HOOK3: variants seen among roughly 807,000 people sequenced by gnomAD.
HOOK3 encodes hook microtubule tethering protein 3, also known as protein Hook homolog 3.
In HOOK3, 24 loss-of-function variants were observed where a neutral mutation model predicts 116.3. The observed-to-expected ratio is 0.21, with a 90% CI of 0.15 to 0.29. The LOEUF (loss-of-function observed/expected upper bound fraction) is 0.29, where lower values mean the gene tolerates loss of function less well. Among genes scored for constraint, HOOK3 ranks in the 10% least tolerant of loss-of-function variants. The pLI is 1.00. For missense variants in HOOK3, 632 were observed against 830.2 expected, an observed-to-expected ratio of 0.76 and a Z score of 2.93; for synonymous variants, 275 against 283.0, an observed-to-expected ratio of 0.97 and a Z score of 0.28.
At chr8:42,975,608 G>C (rs981459816) in intron 13 of HOOK3, among the ~76,000 whole-genome samples, 1 of 152,172 alleles carries the variant, frequency 6.6e-6, no homozygotes, top group Non-Finnish European at 1.5e-5. Flanking sequence ...AAAAGTGGAC[G>C]TGACTTCTCC....
At chr8:42,962,735 G>A (rs1808556768) in intron 8 of HOOK3, among the ~76,000 whole-genome samples, 1 of 147,324 alleles carries the variant, frequency 6.8e-6, no homozygotes, top group Non-Finnish European at 1.5e-5. Context: ...GATTCTTTTT[G>A]TCTGTGTGTA....
intron 8 of HOOK3, among the ~76,000 whole-genome samples, chr8:42,962,416 T>C (rs1808551057): frequency 6.6e-6 from 1 of 151,050 alleles, no homozygotes. Flanking sequence ...TGTTTTTTTT[T>C]TTTTTTTTGA....
chr8:42,967,724 C>T (rs1344017567), intron 10 of HOOK3, among the ~76,000 whole-genome samples: 1 of 151,966 alleles, frequency 6.6e-6, no homozygotes, highest in East Asian at 1.9e-4. Flanking sequence ...TTCTGGTGGT[C>T]ACTGATAATT....
intron 2 of HOOK3, among the ~76,000 whole-genome samples, chr8:42,917,257 C>CA (rs2130342856): frequency 6.6e-6 from 1 of 152,274 alleles, no homozygotes; most frequent in African/African-American, 2.4e-5. Flanking sequence ...TCTCACTGAG[C>CA]GCGTTGAGGT....
Position 42,911,884 on chromosome 8 carries a change from C to T in HOOK3, c.143+5626C>T, listed in dbSNP as rs372268838. The stretch of plus-strand genomic sequence containing the variant: ...AGTGTAGTTTGGGGGACATCAAATC[C>T]GAGTGGTATTGAAAAATCAAGAGGA... On this transcript the variant is annotated intron_variant, in intron 2 of 21. Transcript: ENST00000307602. Among the ~76,000 whole-genome samples the T allele has an allele frequency of 4.6e-5, 7 of 152,100 alleles. 1 individual carries two copies. Among genetic ancestry groups the T allele is most frequent in the Middle Eastern group, 6.8e-3 (2 of 294 alleles).
In HOOK3 at chr8:42,906,229, G is replaced by T. The variant is rs750665963; in HGVS notation, c.114G>T (p.Gly38=). Reference sequence around the variant, plus strand: ...AGACCGTGGAAGATTTAACGAATGGGGTTGTGATGGCCCAGGTTCTTCAAA... The same window carrying T: ...AGACCGTGGAAGATTTAACGAATGGTGTTGTGATGGCCCAGGTTCTTCAAA... ...PCQTVEDLTN[G]VVMAQVLQKI... is the part of the protein sequence containing the mutation. The change falls in exon 2 of 22, where the codon GGG becomes GGT. Residue 38 remains glycine, a synonymous_variant. Transcript: ENST00000307602. The T allele has an allele frequency of 1.2e-6, 2 of 1,611,170 alleles. No homozygotes were observed. Among genetic ancestry groups the T allele is most frequent in the Non-Finnish European group, 8.5e-7 (1 of 1,178,430 alleles).
chr8:42,994,465 C>T (rs561031563), intron 15 of HOOK3: 30 of 412,914 alleles, frequency 7.3e-5, no homozygotes, highest in Admixed American at 3.5e-4. Flanking sequence ...CCTCTTACTA[C>T]GGCTTTTGCT....
chr8:42,948,879 T>C (rs117734601), intron 5 of HOOK3, among the ~76,000 whole-genome samples: 2 of 152,332 alleles, frequency 1.3e-5, no homozygotes, highest in African/African-American at 2.4e-5. Flanking sequence ...TATGATTTAG[T>C]TGTGTTATGT....
At position 43,018,444 on chromosome 8, in the gene HOOK3, G is replaced by A. The variant is rs775718317; in HGVS notation, c.2103G>A (p.Ala701=). 16 of 1,613,772 alleles carry A rather than the reference G, an allele frequency of 9.9e-6. No individual in the cohort carries two copies. The highest frequency in any genetic ancestry group is 2.2e-5 in the East Asian group (1 of 44,880). Reference sequence around the variant, plus strand: ...CATTTCTGGCGAGGCAGAGGCAAGCGACCAGCAGCAGAAGATCATACCCAG... The same window carrying A: ...CATTTCTGGCGAGGCAGAGGCAAGCAACCAGCAGCAGAAGATCATACCCAG... ...GQSFLARQRQ[A]TSSRRSYPGH... is the part of the protein sequence containing the mutation. The change falls in exon 22 of 22, where the codon GCG becomes GCA. Residue 701 remains alanine (A), a synonymous_variant. Coordinates refer to ENST00000307602, the MANE Select transcript of HOOK3 (RefSeq NM_032410.4).
chr8:42,953,870 C>G (rs1370052684), intron 6 of HOOK3, among the ~76,000 whole-genome samples: 1 of 152,050 alleles, frequency 6.6e-6, no homozygotes, highest in Non-Finnish European at 1.5e-5. Flanking sequence ...TGCTCAGGTT[C>G]GCATAGAAGT....
chr8:42,990,486 T>C (rs1471572773), intron 15 of HOOK3, among the ~76,000 whole-genome samples: 1 of 151,268 alleles, frequency 6.6e-6, no homozygotes, highest in African/African-American at 2.4e-5. Context: ...ATTACAGGCA[T>C]GTCCACCATG....
Position 43,006,846 on chromosome 8 carries a change from T to G in HOOK3, c.1656-1001T>G, listed in dbSNP as rs145538154. ...ATTAGTGATTTTCTCTATCTTCCCA[T>G]TTTTGCAGCCTTTTTTCCTAGTTAT... On this transcript the variant is annotated intron_variant, in intron 17 of 21. Coordinates refer to ENST00000307602, the MANE Select transcript of HOOK3 (RefSeq NM_032410.4). 6.5e-3 allele frequency among the ~76,000 whole-genome samples: 983 copies of G among 152,142 alleles called. 7 individuals carry two copies. Among genetic ancestry groups the G allele is most frequent in the Non-Finnish European group, 0.011 (718 of 68,002 alleles).
At chr8:42,932,597 T>G (rs1374688012) in intron 4 of HOOK3, among the ~76,000 whole-genome samples, 1 of 152,116 alleles carries the variant, frequency 6.6e-6, no homozygotes, top group Non-Finnish European at 1.5e-5. Context: ...CTGACATTTT[T>G]GGGTCCTAGG....
Position 42,958,362 on chromosome 8 carries a change from C to T in HOOK3, c.532-869C>T, listed in dbSNP as rs148347540. On this transcript the variant is annotated intron_variant, in intron 7 of 21. Coordinates refer to ENST00000307602, the MANE Select transcript of HOOK3 (RefSeq NM_032410.4). ...GGTTTGGTCACATGAAATGAAGAGA[C>T]AATAAAATTTTCTTTTAATCAATTT... is the stretch of plus-strand genomic sequence containing the variant. 2.4e-4 allele frequency among the ~76,000 whole-genome samples: 36 copies of T among 151,988 alleles called. No individual in the cohort carries two copies. In the East Asian group the frequency reaches 6.2e-3, roughly 26 times the overall value.
chr8:42,991,392 AC>A (rs1448507468), intron 15 of HOOK3, among the ~76,000 whole-genome samples: 5 of 140,264 alleles, frequency 3.6e-5, no homozygotes, highest in East Asian at 2.0e-4. Context: ...GATAGTATGG[AC>A]CTTTTTTTTT....
chr8:42,966,304 G>A (rs1368586678), intron 9 of HOOK3, among the ~76,000 whole-genome samples, 169 bp from the exon 10 acceptor site: 1 of 152,168 alleles, frequency 6.6e-6, no homozygotes, highest in African/African-American at 2.4e-5. Flanking sequence ...GGACAGTGGA[G>A]TTCATTTTTA....
At chr8:42,984,014 A>G (rs1232129036) in intron 14 of HOOK3, among the ~76,000 whole-genome samples, 1 of 152,208 alleles carries the variant, frequency 6.6e-6, no homozygotes, top group African/African-American at 2.4e-5. Context: ...TGAAATAAGC[A>G]TTCAAATATT....
At position 43,008,651 on chromosome 8, in the gene HOOK3, ATT is replaced by A. The variant is rs1427500161; in HGVS notation, c.1738+726_1738+727del. ...AATTTTTATTTTTATTTTTATTTTT[ATT>A]TTTATTTTTATTTTTTTTTTTTTTG... On this transcript the variant is annotated intron_variant, in intron 18 of 21. Transcript: ENST00000307602. 8.3e-4 allele frequency among the ~76,000 whole-genome samples: 122 copies of A among 146,526 alleles called. 1 individual carries two copies. Among genetic ancestry groups the A allele is most frequent in the Middle Eastern group, 3.5e-3 (1 of 286 alleles).
chr8:43,001,193 A>G (rs908209384), intron 16 of HOOK3: 4 of 152,014 alleles, frequency 2.6e-5, no homozygotes, highest in African/African-American at 9.7e-5. Flanking sequence ...ATGTGGATCT[A>G]CTGAGGTAAC....
Sources: allele counts gnomAD v4.1 joint callset (sites outside exome capture counted in the v4.1 genomes callset), GRCh38; gene constraint gnomAD v4.1.1; transcripts MANE v1.5; gene names NCBI Gene and HGNC (gene_info 2026-07-23, HGNC 2026-07-21).